NUCB1: variants seen among roughly 807,000 people sequenced by gnomAD.
NUCB1 encodes the protein nucleobindin 1, also known as nucleobindin-1.
A neutral mutation model predicts 61.2 loss-of-function variants in NUCB1; 47 were observed. That is an observed-to-expected ratio of 0.77 (90% CI 0.61 to 0.98). The LOEUF (loss-of-function observed/expected upper bound fraction) is 0.98, where lower values mean the gene tolerates loss of function less well. Among genes scored for constraint, NUCB1 ranks in the 50% least tolerant of loss-of-function variants. The pLI, the probability that NUCB1 is intolerant of heterozygous loss-of-function variation, is 0.00. For synonymous variants in NUCB1, 234 were observed against 243.1 expected, an observed-to-expected ratio of 0.96 and a Z score of 0.35; for missense variants, 583 against 605.3, an observed-to-expected ratio of 0.96 and a Z score of 0.39.
At chr19:48,904,005 G>GATGT (rs1481461521) in intron 2 of NUCB1, among the ~76,000 whole-genome samples, 1 of 147,764 alleles carries the variant, frequency 6.8e-6, no homozygotes, top group Non-Finnish European at 1.5e-5. Context: ...GGGTGGGTAG[G>GATGT]ATGTATGTAT....
chr19:48,918,995 T>G (rs1323896027), intron 8 of NUCB1, 35 bp from the exon 9 acceptor site: 1 of 1,596,836 alleles, frequency 6.3e-7, no homozygotes, highest in African/African-American at 1.3e-5. Context: ...GCTGGGGACC[T>G]CTCAATGCTG....
chr19:48,915,221 G>A (rs1483519924), intron 7 of NUCB1, among the ~76,000 whole-genome samples: 2 of 152,104 alleles, frequency 1.3e-5, no homozygotes, highest in African/African-American at 4.8e-5. Context: ...GCTCACGCCT[G>A]TAATCCCAAC....
intron 10 of NUCB1, among the ~76,000 whole-genome samples, chr19:48,919,624 C>T (rs994024653): frequency 5.9e-5 from 9 of 151,308 alleles, no homozygotes; most frequent in East Asian, 1.9e-4. Flanking sequence ...ATTATAGGTG[C>T]GTGCCACCAC....
intron 4 of NUCB1, among the ~76,000 whole-genome samples, chr19:48,909,230 A>G (rs2037445832): frequency 6.9e-6 from 1 of 145,258 alleles, no homozygotes; most frequent in Admixed American, 6.8e-5. Flanking sequence ...ATTATTTTTT[A>G]TTAATTATTA....
chr19:48,921,124 C>T, intron 10 of NUCB1, 30 bp from the exon 11 acceptor site: 1 of 1,576,188 alleles, frequency 6.3e-7, no homozygotes, highest in Non-Finnish European at 8.6e-7. Flanking sequence ...TGGACCTGTG[C>T]CCCTGATGGC....
chr19:48,918,820 C>CG, intron 8 of NUCB1, 36 bp downstream of exon 8: 2 of 1,588,200 alleles, frequency 1.3e-6, no homozygotes, highest in Non-Finnish European at 1.7e-6. Context: ...CCTGGAGGGA[C>CG]GCCCAAATCA....
intron 7 of NUCB1, among the ~76,000 whole-genome samples, chr19:48,916,171 C>CGTGTGTGTGTGTGTGTGTGTGT (rs143557740): frequency 1.5e-3 from 216 of 147,778 alleles, no homozygotes; most frequent in African/African-American, 5.2e-3. Context: ...TGGTATTTGT[C>CGTGTGTGTGTGTGTGTGTGTGT]GTGTGTGTGT....
chr19:48,906,160 C>T (rs1156884700), intron 4 of NUCB1, among the ~76,000 whole-genome samples: 8 of 152,070 alleles, frequency 5.3e-5, no homozygotes, highest in Non-Finnish European at 1.2e-4. Context: ...AATCCCAGTA[C>T]TTTGGGAGGC....
At chr19:48,901,979 G>A (rs2037357133) in intron 2 of NUCB1, among the ~76,000 whole-genome samples, 1 of 152,158 alleles carries the variant, frequency 6.6e-6, no homozygotes, top group African/African-American at 2.4e-5. Context: ...TTGCCTATGT[G>A]TTGCATAGTT....
intron 4 of NUCB1, among the ~76,000 whole-genome samples, chr19:48,908,986 G>A (rs973309392): frequency 1.3e-5 from 2 of 151,994 alleles, no homozygotes; most frequent in African/African-American, 4.8e-5. Context: ...CTTGTTTGCT[G>A]AGGCCGCTGT....
Position 48,922,467 on chromosome 19 carries a change from CGACTGA to C in NUCB1, c.*44_*49del. 6.7e-7 allele frequency: 1 copy of C among 1,496,928 alleles called. No individual in the cohort carries two copies. Among genetic ancestry groups the C allele is most frequent in the Non-Finnish European group, 9.3e-7 (1 of 1,074,616 alleles). The allele number at this position is 1,496,928 out of a possible 1,614,324, so 92.7% of individuals were successfully genotyped here. The stretch of plus-strand genomic sequence containing the variant: ...CCTCAGGATTCCTGATGCTCCAAGG[CGACTGA>C]TGGGCGCTGGATGAAGTGGCACAGT... On this transcript the variant is annotated 3_prime_UTR_variant, in exon 13 of 13. Transcript: ENST00000405315.
chr19:48,911,424 A>G lies in NUCB1; in HGVS notation c.480+172A>G, dbSNP rs1243919236. 3.6e-5 allele frequency among the ~76,000 whole-genome samples: 4 copies of G among 111,696 alleles called. No individual in the cohort carries two copies. The East Asian group carries it at 1.2e-3, about 34-fold the overall frequency. 73.3% of individuals were successfully genotyped at this position (111,696 alleles called of 152,430 possible). On this transcript the variant is annotated intron_variant, in intron 5 of 12. Transcript: ENST00000405315. ...TCTTTTCTTTTTTTTTTTTTTTTTG[A>G]GACGAAATCTCGCTGTTTTCCCCCA...
chr19:48,903,431 T>TG, intron 2 of NUCB1, among the ~76,000 whole-genome samples: 2 of 93,858 alleles, frequency 2.1e-5, no homozygotes, highest in African/African-American at 6.8e-5. Context: ...GGTGGGTGGA[T>TG]GAGTGGATGG....
chr19:48,922,620 C>T lies in NUCB1; in HGVS notation c.*196C>T. ...ACTTTCACAGCCTCCAAGTCTGTGG[C>T]TCTTCCCTTCTGTCCTCCGAGGGGC... On this transcript the variant is annotated 3_prime_UTR_variant, in exon 13 of 13. Transcript: ENST00000405315. The T allele has an allele frequency of 1.8e-6, 1 of 570,534 alleles. No individual in the cohort carries two copies. Among genetic ancestry groups the T allele is most frequent in the East Asian group, 3.0e-5 (1 of 33,696 alleles). The allele number at this position is 570,534 out of a possible 1,614,324, so 35.3% of individuals were successfully genotyped here. A position where few individuals can be genotyped will look rare whatever the true frequency, so the allele number is the denominator to read the frequency against.
At chr19:48,913,374 A>C in intron 6 of NUCB1, 100 bp from the exon 7 acceptor site, 1 of 1,260,198 alleles carries the variant, frequency 7.9e-7, no homozygotes, top group Non-Finnish European at 1.1e-6. Context: ...TTCTTGCTTG[A>C]GGGAGATGAT....
At chr19:48,902,790 C>T (rs2037366463) in intron 2 of NUCB1, among the ~76,000 whole-genome samples, 1 of 151,796 alleles carries the variant, frequency 6.6e-6, no homozygotes, top group Admixed American at 6.6e-5. Context: ...ACAGCATGAG[C>T]AAAGGCCACT....
chr19:48,915,340 A>AAAC (rs149704376), intron 7 of NUCB1, among the ~76,000 whole-genome samples: 28,996 of 151,094 alleles, frequency 0.19, 3,118 homozygotes, highest in East Asian at 0.48. Context: ...TTAAAAAACA[A>AAAC]AACAAAAATT....
rs776535875 is a variant in NUCB1 at position 48,913,082 on chromosome 19, A to G, written c.552A>G (p.Glu184=). ...TCAAGCGCTACGAGATGCTTAAGGA[A>G]CACGAGAGACGGCGTTATCTGGAGT... The part of the protein sequence containing the change: ...EEFKRYEMLK[E]HERRRYLESL... Residue 184 remains glutamate (E), a synonymous_variant, in exon 6 of 13, where the codon GAA becomes GAG. Transcript: ENST00000405315. 52 of 1,613,808 alleles carry G rather than the reference A, an allele frequency of 3.2e-5. 1 individual carries two copies. The South Asian group carries it at 5.7e-4, about 18-fold the overall frequency.
intron 10 of NUCB1, among the ~76,000 whole-genome samples, chr19:48,919,490 T>TATTC (rs1555792217): frequency 7.3e-5 from 11 of 150,840 alleles, no homozygotes; most frequent in Admixed American, 2.0e-4. Flanking sequence ...TTTATTTATT[T>TATTC]ATTCTGAGAC....
Sources: gnomAD v4.1 joint callset for allele counts (sites outside exome capture counted in the v4.1 genomes callset) on GRCh38, gnomAD v4.1.1 for gene constraint, MANE v1.5 for transcripts, NCBI Gene and HGNC (gene_info 2026-07-23, HGNC 2026-07-21) for gene names.